The following NUCB2 variants were observed in gnomAD, a reference collection of about 807,000 sequenced individuals.
The protein encoded by NUCB2 is nucleobindin 2.
In NUCB2, 48 loss-of-function variants were observed where a neutral mutation model predicts 57.9. The observed-to-expected ratio is 0.83, with a 90% CI of 0.66 to 1.05. The LOEUF is 1.05. NUCB2 is among the 50% of genes least tolerant of loss of function. The pLI, the probability that NUCB2 is intolerant of heterozygous loss-of-function variation, is 0.00. For missense variants in NUCB2, 442 were observed against 476.2 expected, an observed-to-expected ratio of 0.93 and a Z score of 0.67; for synonymous variants, 139 against 152.1, an observed-to-expected ratio of 0.91 and a Z score of 0.64.
chr11:17,296,555 A>G (rs1448468234), intron 4 of NUCB2, among the ~76,000 whole-genome samples: 1 of 152,212 alleles, frequency 6.6e-6, no homozygotes, highest in Non-Finnish European at 1.5e-5. Flanking sequence ...GAAGGCAGAC[A>G]CATAATCTAA....
intron 11 of NUCB2, among the ~76,000 whole-genome samples, chr11:17,320,942 T>A (rs868527556): frequency 2.6e-5 from 4 of 152,156 alleles, no homozygotes; most frequent in Middle Eastern, 6.8e-3. Context: ...TTTTCTTTAT[T>A]TTTTTTAATA....
intron 5 of NUCB2, among the ~76,000 whole-genome samples, chr11:17,305,076 C>G (rs1057339262): frequency 1.3e-5 from 2 of 152,238 alleles, no homozygotes; most frequent in Admixed American, 6.5e-5. Flanking sequence ...GTAATCCCAG[C>G]ACTTGGGGAA....
chr11:17,328,677 C>T (rs1030808248), intron 11 of NUCB2, among the ~76,000 whole-genome samples: 4 of 152,080 alleles, frequency 2.6e-5, no homozygotes, highest in Non-Finnish European at 4.4e-5. Context: ...TAAATGCTGC[C>T]AGGCCTTTAC....
At chr11:17,287,380 A>T (rs1205157682) in intron 2 of NUCB2, among the ~76,000 whole-genome samples, 1 of 151,892 alleles carries the variant, frequency 6.6e-6, no homozygotes, top group Non-Finnish European at 1.5e-5. Context: ...AAATCAAGAT[A>T]TGGTATTAAG....
chr11:17,303,548 A>T (rs1947114321), intron 5 of NUCB2, among the ~76,000 whole-genome samples: 1 of 152,236 alleles, frequency 6.6e-6, no homozygotes, highest in South Asian at 2.1e-4. Flanking sequence ...CTATGAGAAG[A>T]TTAAATAGCT....
At chr11:17,322,786 T>C (rs570654961) in intron 11 of NUCB2, among the ~76,000 whole-genome samples, 3 of 152,128 alleles carry the variant, frequency 2.0e-5, no homozygotes, top group Non-Finnish European at 4.4e-5. Flanking sequence ...GTTTTCATTA[T>C]AGAGATCTTA....
chr11:17,285,398 C>T (rs909734892), intron 2 of NUCB2, among the ~76,000 whole-genome samples: 3 of 152,154 alleles, frequency 2.0e-5, no homozygotes, highest in African/African-American at 7.2e-5. Context: ...CATGGTGAAA[C>T]CCTGTCTTTA....
intron 5 of NUCB2, among the ~76,000 whole-genome samples, chr11:17,308,160 A>G (rs1308016559): frequency 6.6e-6 from 1 of 152,202 alleles, no homozygotes; most frequent in African/African-American, 2.4e-5. Flanking sequence ...ACTTTCTGGC[A>G]TAACAATATG....
downstream of NUCB2, chr11:17,332,305 C>T (rs527658849): frequency 2.6e-5 from 4 of 151,924 alleles, no homozygotes; most frequent in African/African-American, 9.7e-5. Flanking sequence ...ACTTATGTTT[C>T]GACCAGAACT....
At chr11:17,317,320 A>G (rs1019016037) in intron 11 of NUCB2, among the ~76,000 whole-genome samples, 2 of 152,116 alleles carry the variant, frequency 1.3e-5, no homozygotes, top group African/African-American at 4.8e-5. Context: ...ATAAACATGT[A>G]TATGTGTACA....
Position 17,295,493 on chromosome 11 carries a change from G to C in NUCB2, c.144+26G>C. 3 of 1,518,696 alleles carry C rather than the reference G, an allele frequency of 2.0e-6. No individual in the cohort carries two copies. In the African/African-American group the frequency reaches 4.1e-5, roughly 21 times the overall value. The allele number at this position is 1,518,696 out of a possible 1,614,324, so 94.1% of individuals were successfully genotyped here. ...GTAAGTGAAATGAAGTGAAATGGGA[G>C]GAATTATAACTAAATGAAATGAATT... On this transcript the variant is annotated intron_variant, in intron 3 of 13. Transcript: ENST00000529010.
chr11:17,348,208 AAGTGGGTGAGCC>A (rs924581900), intron 2 of NUCB2, among the ~76,000 whole-genome samples: 1 of 151,932 alleles, frequency 6.6e-6, no homozygotes, highest in Non-Finnish European at 1.5e-5. Flanking sequence ...CTGCCTCCCA[AAGTGGGTGAGCC>A]ACCATGCCTG....
intron 11 of NUCB2, among the ~76,000 whole-genome samples, chr11:17,328,136 C>T (rs926152608): frequency 1.4e-4 from 21 of 152,240 alleles, no homozygotes; most frequent in African/African-American, 5.1e-4. Context: ...GTGATTTTTG[C>T]AGACTCTTAA....
intron 5 of NUCB2, among the ~76,000 whole-genome samples, chr11:17,304,541 T>C (rs1947305205): frequency 1.3e-5 from 2 of 152,122 alleles, no homozygotes; most frequent in Admixed American, 1.3e-4. Context: ...GTAAAGTAAT[T>C]GGAAAGGAGG....
intron 6 of NUCB2, 148 bp from the exon 7 acceptor site, chr11:17,310,677 A>AT: frequency 3.8e-6 from 2 of 528,616 alleles, no homozygotes; most frequent in Non-Finnish European, 6.6e-6. Flanking sequence ...GACTAAAATG[A>AT]AATGGTAGAA....
intron 4 of NUCB2, among the ~76,000 whole-genome samples, chr11:17,300,582 T>C (rs1591355029): frequency 1.3e-5 from 2 of 152,238 alleles, no homozygotes; most frequent in African/African-American, 4.8e-5. Flanking sequence ...GGTTCATTCA[T>C]GTTGCAGCAT....
At chr11:17,348,653 T>TTG (rs397710971) in intron 2 of NUCB2, among the ~76,000 whole-genome samples, 6 of 151,492 alleles carry the variant, frequency 4.0e-5, no homozygotes, top group Non-Finnish European at 8.8e-5. Context: ...ACAGATTTTT[T>TTG]GAAGCTAAGG....
rs915820579 is a variant in NUCB2, at chr11:17,341,588, C to T, written n.2626+4054C>T. Among the ~76,000 whole-genome samples, 143 of 152,154 alleles carry T rather than the reference C, an allele frequency of 9.4e-4. 1 individual carries two copies. Among genetic ancestry groups the T allele is most frequent in the Non-Finnish European group, 1.7e-3 (118 of 68,000 alleles). On this transcript the variant is annotated intron_variant and non_coding_transcript_variant, in intron 2 of 2. Transcript: ENST00000532240. ...ATTGAGATAATCATGTGGTTTTTGT[C>T]GTTGGTTCTGTTTATATGCTGGATT... is the stretch of plus-strand genomic sequence containing the variant.
chr11:17,307,634 A>C (rs1947887613), intron 5 of NUCB2, among the ~76,000 whole-genome samples: 1 of 151,682 alleles, frequency 6.6e-6, no homozygotes, highest in Non-Finnish European at 1.5e-5. Context: ...TTGTTTTTTT[A>C]CAGCTGCATA....
Sources: allele counts gnomAD v4.1 joint callset (sites outside exome capture counted in the v4.1 genomes callset), GRCh38; gene constraint gnomAD v4.1.1; transcripts MANE v1.5; gene names NCBI Gene and HGNC (gene_info 2026-07-23, HGNC 2026-07-21).